The following TNIP1 variants were observed in gnomAD, a reference collection of about 807,000 sequenced individuals.
The protein encoded by TNIP1 is TNFAIP3-interacting protein 1.
Under a neutral mutation model 86.6 loss-of-function variants are expected in TNIP1, and 22 were observed. The observed-to-expected ratio is 0.25, with a 90% CI of 0.18 to 0.36. The LOEUF is 0.36. TNIP1 is among the 10% of genes least tolerant of loss of function. The pLI is 1.00. For synonymous variants in TNIP1, 294 were observed against 313.0 expected (o/e 0.94, Z 0.64); for missense variants, 709 against 820.6 (o/e 0.86, Z 1.66).
Position 151,056,847 on chromosome 5 carries a change from G to A in TNIP1, c.546C>T (p.Thr182=). 6.2e-7 allele frequency: 1 copy of A among 1,604,066 alleles called. No homozygotes were observed. The highest frequency in any genetic ancestry group is 8.5e-7 in the Non-Finnish European group (1 of 1,175,490). The change falls in exon 6 of 18, where the codon ACC becomes ACT. Residue 182 remains threonine (T), a synonymous_variant. Transcript: ENST00000521591. ...ACTCCAGGGCCATGCGGCCCAGGTG[G>A]GTGAAGAGCTGGCCGTGGTCCGGCT... ...AEEPDHGQLF[T]HLGRMALEFN...
At chr5:151,067,362 G>A (rs181814648) in intron 1 of TNIP1, among the ~76,000 whole-genome samples, 3 of 152,340 alleles carry the variant, frequency 2.0e-5, no homozygotes, top group Middle Eastern at 3.4e-3. Flanking sequence ...TGACTGGTGC[G>A]GGCATTGCCC....
intron 1 of TNIP1, among the ~76,000 whole-genome samples, chr5:151,075,967 T>G (rs1413563683): frequency 6.6e-6 from 1 of 152,138 alleles, no homozygotes; most frequent in East Asian, 1.9e-4. Flanking sequence ...GGCTGCCCGG[T>G]TTGTCCACTG....
Position 151,030,228 on chromosome 5 carries a change from A to C in TNIP1, c.*485T>G, listed in dbSNP as rs930639731. 1 of 442,176 alleles carries C rather than the reference A, an allele frequency of 2.3e-6. No homozygotes were observed. Among genetic ancestry groups the C allele is most frequent in the African/African-American group, 2.0e-5 (1 of 49,898 alleles). The allele number at this position is 442,176 out of a possible 1,614,324, so 27.4% of individuals were successfully genotyped here. On this transcript the variant is annotated 3_prime_UTR_variant, in exon 18 of 18. Transcript: ENST00000521591. ...TCTCTTCTGTTCTGGAGACAAACCC[A>C]CACTTCCCACAGCTCCTCACAGAGG...
At chr5:151,031,602 T>C (rs988375032) in intron 17 of TNIP1, among the ~76,000 whole-genome samples, 2 of 152,206 alleles carry the variant, frequency 1.3e-5, no homozygotes, top group African/African-American at 4.8e-5. Context: ...CTACACATTA[T>C]GCTGAGGATA....
intron 7 of TNIP1, among the ~76,000 whole-genome samples, chr5:151,051,013 C>T (rs1052489387): frequency 1.3e-5 from 2 of 152,084 alleles, no homozygotes; most frequent in Non-Finnish European, 2.9e-5. Context: ...GCTGAGTTTC[C>T]GCTTGAAAAA....
At chr5:151,050,858 G>T (rs1035167157) in intron 7 of TNIP1, among the ~76,000 whole-genome samples, 1 of 151,960 alleles carries the variant, frequency 6.6e-6, no homozygotes, top group Non-Finnish European at 1.5e-5. Context: ...TGTTGGGGCT[G>T]GGGGAGGGGT....
At chr5:151,045,715 C>A (rs898474264) in intron 9 of TNIP1, 146 bp downstream of exon 9, 3 of 734,830 alleles carry the variant, frequency 4.1e-6, no homozygotes, top group Admixed American at 2.1e-5. Context: ...AGACCTCATC[C>A]ATGGGCAGGC....
At chr5:151,072,457 G>A (rs1762923416) in intron 1 of TNIP1, among the ~76,000 whole-genome samples, 1 of 152,186 alleles carries the variant, frequency 6.6e-6, no homozygotes, top group Non-Finnish European at 1.5e-5. Flanking sequence ...TAGCAATCCA[G>A]ATCTCACCAA....
intron 8 of TNIP1, among the ~76,000 whole-genome samples, chr5:151,046,621 T>G (rs1205527835): frequency 6.6e-6 from 1 of 151,864 alleles, no homozygotes; most frequent in African/African-American, 2.4e-5. Context: ...AAATATAAGG[T>G]GAGTTTGATG....
At chr5:151,085,210 T>A (rs944021368), upstream of TNIP1, among the ~76,000 whole-genome samples, 12 of 152,242 alleles carry the variant, frequency 7.9e-5, no homozygotes, top group Admixed American at 7.9e-4. Context: ...CCCTGCCACT[T>A]ACAACTCTGT....
At position 151,056,878 on chromosome 5, in the gene TNIP1, GCA is replaced by G; in HGVS notation, c.513_514del (p.Ala172ArgfsTer30). 6.2e-7 allele frequency: 1 copy of G among 1,605,328 alleles called. No homozygotes were observed. The highest frequency in any genetic ancestry group is 2.3e-5 in the East Asian group (1 of 43,914). ...GAGCTGGCCGTGGTCCGGCTCCTCG[GCA>G]CACACACTCAGCGTGGTCTCCAGGC... is the stretch of plus-strand genomic sequence containing the variant. On this transcript the variant is annotated frameshift_variant, in exon 6 of 18. Transcript: ENST00000521591. LOFTEE classifies it high-confidence loss of function.
At chr5:151,063,557 G>C in intron 3 of TNIP1, 56 bp downstream of exon 3, 1 of 1,594,554 alleles carries the variant, frequency 6.3e-7, no homozygotes, top group Non-Finnish European at 8.6e-7. Context: ...CACTGTGAAG[G>C]ATTTGGGCAG....
chr5:151,084,827 G>A (rs1238197073), upstream of TNIP1, among the ~76,000 whole-genome samples: 1 of 152,142 alleles, frequency 6.6e-6, no homozygotes, highest in Non-Finnish European at 1.5e-5. Flanking sequence ...TGGATTCTAG[G>A]TACTTTTTGG....
At chr5:151,061,060 C>T (rs1242717941) in intron 4 of TNIP1, among the ~76,000 whole-genome samples, 2 of 152,242 alleles carry the variant, frequency 1.3e-5, no homozygotes, top group African/African-American at 4.8e-5. Flanking sequence ...TCAACCAAAT[C>T]CACGGTGGCC....
intron 16 of TNIP1, chr5:151,032,768 G>T: frequency 4.3e-6 from 1 of 232,564 alleles, no homozygotes; most frequent in South Asian, 5.0e-5. Context: ...CTAAGGTGGG[G>T]CTGTGGCAGA....
At chr5:151,084,459 A>AAG (rs34628966), upstream of TNIP1, among the ~76,000 whole-genome samples, 1 of 150,360 alleles carries the variant, frequency 6.7e-6, no homozygotes, top group Non-Finnish European at 1.5e-5. Context: ...AAAAAAAAAA[A>AAG]GAAAGAAAGA....
intron 1 of TNIP1, among the ~76,000 whole-genome samples, chr5:151,069,773 T>C (rs909270636): frequency 6.6e-6 from 1 of 152,092 alleles, no homozygotes; most frequent in Non-Finnish European, 1.5e-5. Context: ...TCTATTCTAG[T>C]GTCTACTCTG....
In TNIP1 at chr5:151,065,127, C is replaced by T. The variant is rs1379903548; in HGVS notation, c.-32G>A. 3 of 1,604,732 alleles carry T rather than the reference C, an allele frequency of 1.9e-6. No homozygotes were observed. The highest frequency in any genetic ancestry group is 2.6e-6 in the Non-Finnish European group (3 of 1,175,642). ...AGCTCAGCCCCTGCCGTGGTGCCCG[C>T]CTGGCTGTAAGGACAACAGCAGCAT... On this transcript the variant is annotated 5_prime_UTR_variant, in exon 2 of 18. Coordinates refer to ENST00000521591, the MANE Select transcript of TNIP1 (RefSeq NM_006058.5).
intron 11 of TNIP1, 75 bp from the exon 12 acceptor site, chr5:151,039,300 G>A (rs1758116078): frequency 3.3e-6 from 5 of 1,508,638 alleles, no homozygotes; most frequent in African/African-American, 1.4e-5. Context: ...GTCCTGCCTG[G>A]CCCAGCCCTT....
Sources: allele counts gnomAD v4.1 joint callset (sites outside exome capture counted in the v4.1 genomes callset), GRCh38; gene constraint gnomAD v4.1.1; transcripts MANE v1.5; gene names NCBI Gene and HGNC (gene_info 2026-07-23, HGNC 2026-07-21).